Variants in INPP4B observed in about 807,000 individuals in gnomAD.
INPP4B encodes inositol polyphosphate-4-phosphatase type II B, also known as inositol polyphosphate 4-phosphatase type II.
Under a neutral mutation model 122.5 loss-of-function variants are expected in INPP4B, and 55 were observed. The observed-to-expected ratio is 0.45, with a 90% CI of 0.36 to 0.56. The LOEUF is 0.56. Ranked by LOEUF, INPP4B falls within the 20% of genes least tolerant of loss-of-function variation. INPP4B has a pLI of 0.00. For missense variants in INPP4B, 1,000 were observed against 1,097.7 expected (o/e 0.91, Z 1.26); for synonymous variants, 403 against 388.7 (o/e 1.04, Z -0.43).
At chr4:142,665,140 G>A (rs1437812157) in intron 2 of INPP4B, among the ~76,000 whole-genome samples, 2 of 152,138 alleles carry the variant, frequency 1.3e-5, no homozygotes, top group African/African-American at 4.8e-5. Flanking sequence ...TGATCAAAAT[G>A]TCATTATGTG....
At chr4:142,182,575 T>C (rs1166020258) in intron 15 of INPP4B, among the ~76,000 whole-genome samples, 1 of 142,292 alleles carries the variant, frequency 7.0e-6, no homozygotes, top group Non-Finnish European at 1.5e-5. Context: ...AAAAAAAAGA[T>C]TCTTAATGTG....
At chr4:142,825,524 T>C (rs938958890) in intron 1 of INPP4B, among the ~76,000 whole-genome samples, 1 of 152,072 alleles carries the variant, frequency 6.6e-6, no homozygotes, top group Non-Finnish European at 1.5e-5. Flanking sequence ...AACAGTGGAA[T>C]CTCTGACCCC....
chr4:142,123,375 G>T lies in INPP4B; in HGVS notation c.1934C>A (p.Thr645Lys). ...TAGGAAGCCTGGGTCATACAGACTTGTCTGTAATTTGATGATAAAACCACA... is the reference window on the plus strand; with the variant it reads ...TAGGAAGCCTGGGTCATACAGACTTTTCTGTAATTTGATGATAAAACCACA... ...LVCGFIIKLQ[T>K]SLYDPGFLQQ... The change falls in exon 20 of 26, where the codon ACA becomes AAA. Residue 645 changes from threonine (T) to lysine (K), a missense_variant. Thr to Lys is a moderately conservative substitution (Grantham distance 78). Coordinates refer to ENST00000262992, the MANE Select transcript of INPP4B (RefSeq NM_001101669.3). The T allele has an allele frequency of 6.2e-7, 1 of 1,612,814 alleles. No homozygotes were observed. Among genetic ancestry groups the T allele is most frequent in the Non-Finnish European group, 8.5e-7 (1 of 1,179,272 alleles).
At chr4:142,593,574 G>T (rs1161110649) in intron 2 of INPP4B, among the ~76,000 whole-genome samples, 1 of 151,936 alleles carries the variant, frequency 6.6e-6, no homozygotes, top group Non-Finnish European at 1.5e-5. Context: ...TGGACCCTAG[G>T]CCACTGCATA....
intron 2 of INPP4B, among the ~76,000 whole-genome samples, chr4:142,500,971 G>A (rs1013331510): frequency 6.6e-6 from 1 of 152,084 alleles, no homozygotes; most frequent in Non-Finnish European, 1.5e-5. Flanking sequence ...TCTGCTAATG[G>A]TTAACAATAC....
intron 7 of INPP4B, among the ~76,000 whole-genome samples, chr4:142,362,782 C>A (rs931979716): frequency 6.6e-6 from 1 of 151,876 alleles, no homozygotes; most frequent in African/African-American, 2.4e-5. Context: ...GGGTGCTAAG[C>A]ATTGGGTATA....
At chr4:142,075,808 A>G (rs1770366398) in intron 25 of INPP4B, among the ~76,000 whole-genome samples, 1 of 152,020 alleles carries the variant, frequency 6.6e-6, no homozygotes, top group South Asian at 2.1e-4. Flanking sequence ...TAGGAAACTG[A>G]GGCCTTGAGA....
chr4:142,297,003 TTGAAGTTACTTC>T (rs1190850014), intron 9 of INPP4B, among the ~76,000 whole-genome samples: 26 of 152,062 alleles, frequency 1.7e-4, no homozygotes, highest in Admixed American at 3.9e-4. Context: ...GTTACTTCAC[TTGAAGTTACTTC>T]TCTGGACAGT....
intron 25 of INPP4B, among the ~76,000 whole-genome samples, chr4:142,067,657 C>A (rs1764339603): frequency 6.6e-6 from 1 of 152,078 alleles, no homozygotes; most frequent in African/African-American, 2.4e-5. Flanking sequence ...GAGCTGAAAA[C>A]CATGGCACGA....
At chr4:142,703,189 A>T (rs941249123) in intron 2 of INPP4B, among the ~76,000 whole-genome samples, 10 of 152,140 alleles carry the variant, frequency 6.6e-5, no homozygotes, top group African/African-American at 2.4e-4. Context: ...TCCATTAGTT[A>T]ATGTAAATGA....
chr4:142,652,165 C>T (rs959658657), intron 2 of INPP4B, among the ~76,000 whole-genome samples: 3 of 152,140 alleles, frequency 2.0e-5, no homozygotes, highest in Non-Finnish European at 2.9e-5. Context: ...CGACAAAATT[C>T]GACAGCCCTT....
At chr4:142,160,749 C>T (rs1561330886) in intron 16 of INPP4B, among the ~76,000 whole-genome samples, 188 bp from the exon 17 acceptor site, 1 of 151,966 alleles carries the variant, frequency 6.6e-6, no homozygotes. Flanking sequence ...GCTGCCAAGG[C>T]CTTAAGTCCT....
intron 2 of INPP4B, among the ~76,000 whole-genome samples, chr4:142,525,248 G>C (rs1342913280): frequency 4.6e-5 from 7 of 152,048 alleles, no homozygotes; most frequent in South Asian, 4.2e-4. Context: ...AGGATAGAAA[G>C]AAATGGAAGA....
chr4:142,636,035 G>A (rs1265510754), intron 2 of INPP4B, among the ~76,000 whole-genome samples: 1 of 152,046 alleles, frequency 6.6e-6, no homozygotes, highest in Non-Finnish European at 1.5e-5. Flanking sequence ...TGAGATCACT[G>A]CATCATGGGG....
chr4:142,118,547 G>T (rs1412887553), intron 21 of INPP4B, among the ~76,000 whole-genome samples: 1 of 152,102 alleles, frequency 6.6e-6, no homozygotes, highest in Non-Finnish European at 1.5e-5. Context: ...ATGGGGAAAG[G>T]ATTCCCTATT....
At chr4:142,732,856 G>C (rs1347302695) in intron 1 of INPP4B, among the ~76,000 whole-genome samples, 1 of 151,860 alleles carries the variant, frequency 6.6e-6, no homozygotes, top group African/African-American at 2.4e-5. Flanking sequence ...GAAATACAAA[G>C]GGCCAAGATT....
chr4:142,453,058 C>A (rs1464437913), intron 3 of INPP4B, among the ~76,000 whole-genome samples: 1 of 152,076 alleles, frequency 6.6e-6, no homozygotes, highest in Non-Finnish European at 1.5e-5. Context: ...TTTTCTGATA[C>A]TTTTCTTCAA....
intron 12 of INPP4B, among the ~76,000 whole-genome samples, chr4:142,232,192 A>G (rs1048312046): frequency 4.6e-5 from 7 of 152,180 alleles, no homozygotes; most frequent in African/African-American, 1.4e-4. Context: ...GTTAAAAATC[A>G]TATATTTTAC....
intron 5 of INPP4B, among the ~76,000 whole-genome samples, chr4:142,427,999 A>G (rs1808474578): frequency 6.6e-6 from 1 of 151,736 alleles, no homozygotes; most frequent in African/African-American, 2.4e-5. Context: ...AGTTTTTCAC[A>G]TTTCTGCCTG....
Sources: allele counts gnomAD v4.1 joint callset (sites outside exome capture counted in the v4.1 genomes callset), GRCh38; gene constraint gnomAD v4.1.1; transcripts MANE v1.5; gene names NCBI Gene and HGNC (gene_info 2026-07-23, HGNC 2026-07-21).